The following SLC16A10 variants were observed in gnomAD, a reference collection of about 807,000 sequenced individuals.
SLC16A10 encodes the protein monocarboxylate transporter 10.
Under a neutral mutation model 40.0 loss-of-function variants are expected in SLC16A10, and 27 were observed. The ratio of observed to expected loss-of-function variants is 0.67; its 90% CI spans 0.50 to 0.93. SLC16A10 has a LOEUF of 0.93. Among genes scored for constraint, SLC16A10 ranks in the 40% least tolerant of loss-of-function variants. The probability of loss-of-function intolerance (pLI) is 0.00; values close to 1 mark genes in which losing one functional copy is unlikely to be tolerated. For missense variants in SLC16A10, 529 were observed against 658.2 expected, an observed-to-expected ratio of 0.80 and a Z score of 2.15; for synonymous variants, 213 against 249.8, an observed-to-expected ratio of 0.85 and a Z score of 1.39.
At chr6:111,121,661 A>G (rs1259909765) in intron 1 of SLC16A10, among the ~76,000 whole-genome samples, 1 of 152,204 alleles carries the variant, frequency 6.6e-6, no homozygotes, top group Non-Finnish European at 1.5e-5. Context: ...TAAAGAAACT[A>G]TGGAAAGCTA....
intron 3 of SLC16A10, among the ~76,000 whole-genome samples, chr6:111,182,108 C>T (rs1298519340): frequency 6.6e-6 from 1 of 151,912 alleles, no homozygotes; most frequent in Non-Finnish European, 1.5e-5. Flanking sequence ...AAGTGATTCT[C>T]CTGCCTCAAC....
At chr6:111,108,038 T>C (rs1332712267) in intron 1 of SLC16A10, among the ~76,000 whole-genome samples, 1 of 151,642 alleles carries the variant, frequency 6.6e-6, no homozygotes, top group Non-Finnish European at 1.5e-5. Context: ...TTTTTTTTTT[T>C]AGTTGGAGTC....
intron 1 of SLC16A10, among the ~76,000 whole-genome samples, chr6:111,152,387 T>C (rs1026329082): frequency 6.6e-6 from 1 of 152,256 alleles, no homozygotes; most frequent in Non-Finnish European, 1.5e-5. Flanking sequence ...ATATAGATAC[T>C]CACAAAGTAT....
At chr6:111,125,379 C>G (rs1771656785) in intron 1 of SLC16A10, among the ~76,000 whole-genome samples, 1 of 152,102 alleles carries the variant, frequency 6.6e-6, no homozygotes, top group Non-Finnish European at 1.5e-5. Context: ...GTGGTTATCA[C>G]TTACCTCCTC....
chr6:111,201,728 C>G (rs1284435758), intron 3 of SLC16A10, among the ~76,000 whole-genome samples: 1 of 152,178 alleles, frequency 6.6e-6, no homozygotes, highest in Non-Finnish European at 1.5e-5. Context: ...AATTATTGGA[C>G]CTTTTTGATT....
rs1770901306 is a variant in SLC16A10, at chr6:111,088,040, G to A, written c.288G>A (p.Val96=). The A allele has an allele frequency of 6.2e-7, 1 of 1,608,976 alleles. No homozygotes were observed. Among genetic ancestry groups the A allele is most frequent in the South Asian group, 1.1e-5 (1 of 90,294 alleles). ...AGAACGCTTGCGGGGTGCTCTTCGT[G>A]TCCATGCTGGAAACCTTCGGCTCCA... ...GIQNACGVLF[V]SMLETFGSKD... Residue 96 remains valine (V), a synonymous_variant, in exon 1 of 6, where the codon GTG becomes GTA. Coordinates refer to ENST00000368851, the MANE Select transcript of SLC16A10 (RefSeq NM_018593.5).
intron 3 of SLC16A10, among the ~76,000 whole-genome samples, chr6:111,200,596 A>G (rs1296197777): frequency 2.6e-5 from 4 of 152,208 alleles, no homozygotes; most frequent in Non-Finnish European, 5.9e-5. Flanking sequence ...AAGAAAGAAA[A>G]AAACAAAATA....
chr6:111,131,472 G>A (rs921528740), intron 1 of SLC16A10, among the ~76,000 whole-genome samples: 5 of 152,250 alleles, frequency 3.3e-5, no homozygotes, highest in African/African-American at 7.2e-5. Context: ...AGGACCCCCC[G>A]GTAACATTTT....
intron 1 of SLC16A10, among the ~76,000 whole-genome samples, chr6:111,128,989 T>C (rs1164894449): frequency 1.3e-5 from 2 of 152,038 alleles, no homozygotes; most frequent in Non-Finnish European, 2.9e-5. Context: ...TTCATATTTT[T>C]CATATTTCAT....
chr6:111,192,854 C>T (rs369156836), intron 3 of SLC16A10, among the ~76,000 whole-genome samples: 12 of 152,250 alleles, frequency 7.9e-5, no homozygotes, highest in African/African-American at 2.9e-4. Flanking sequence ...AAAACCCACC[C>T]CCATGATTCA....
intron 1 of SLC16A10, among the ~76,000 whole-genome samples, chr6:111,123,136 C>T (rs1191958091): frequency 6.6e-6 from 1 of 152,146 alleles, no homozygotes; most frequent in African/African-American, 2.4e-5. Context: ...GGACTCTGGC[C>T]CATTCCTCCC....
intron 1 of SLC16A10, among the ~76,000 whole-genome samples, chr6:111,139,114 G>A (rs1192022159): frequency 2.9e-5 from 2 of 69,622 alleles, no homozygotes; most frequent in South Asian, 9.9e-4. Context: ...TTTTTACTGT[G>A]AAAAACAACC....
intron 3 of SLC16A10, chr6:111,178,253 G>A: frequency 2.3e-6 from 1 of 425,550 alleles, no homozygotes; most frequent in Non-Finnish European, 4.7e-6. Flanking sequence ...TCTACTTGTG[G>A]TACACTTCTG....
chr6:111,101,006 A>C (rs1365409671), intron 1 of SLC16A10, among the ~76,000 whole-genome samples: 7 of 141,506 alleles, frequency 4.9e-5, no homozygotes, highest in African/African-American at 1.9e-4. Flanking sequence ...ATATATATAT[A>C]TATATATATA....
At chr6:111,096,085 CT>C (rs1771069166) in intron 1 of SLC16A10, among the ~76,000 whole-genome samples, 1 of 152,134 alleles carries the variant, frequency 6.6e-6, no homozygotes, top group African/African-American at 2.4e-5. Context: ...TTAAGAGCAG[CT>C]TTTTGGCTGG....
intron 5 of SLC16A10, 56 bp downstream of exon 5, chr6:111,219,098 G>A: frequency 6.8e-7 from 1 of 1,473,604 alleles, no homozygotes; most frequent in Non-Finnish European, 9.4e-7. Flanking sequence ...TCTACTTCAG[G>A]TCTTAATTAA....
Position 111,119,430 on chromosome 6 carries a change from TAC to T in SLC16A10, c.343+31339_343+31340del, listed in dbSNP as rs1439494208. Among the ~76,000 whole-genome samples the T allele has an allele frequency of 4.6e-5, 7 of 152,378 alleles. No individual in the cohort carries two copies. The South Asian group carries it at 8.3e-4, about 18-fold the overall frequency. On this transcript the variant is annotated intron_variant, in intron 1 of 5. Transcript: ENST00000368851. ...TTGTTAGACGCTAACATTGGAATCT[TAC>T]ACAGTTTTTATATGTTTTGACATAT...
chr6:111,189,035 A>G (rs1386358724), intron 3 of SLC16A10, among the ~76,000 whole-genome samples: 1 of 152,222 alleles, frequency 6.6e-6, no homozygotes, highest in African/African-American at 2.4e-5. Context: ...AAATCAGTTA[A>G]ACAGATTCAG....
At chr6:111,199,826 TTA>T (rs1491170693) in intron 3 of SLC16A10, among the ~76,000 whole-genome samples, 1 of 124,468 alleles carries the variant, frequency 8.0e-6, no homozygotes, top group African/African-American at 3.8e-5. Flanking sequence ...CCAGGGAAAT[TTA>T]AAAAAAAAAA....
Sources: allele counts gnomAD v4.1 joint callset (sites outside exome capture counted in the v4.1 genomes callset), GRCh38; gene constraint gnomAD v4.1.1; transcripts MANE v1.5; gene names NCBI Gene and HGNC (gene_info 2026-07-23, HGNC 2026-07-21).